The following CA10 variants were observed in gnomAD, a reference collection of about 807,000 sequenced individuals.
CA10 encodes carbonic anhydrase 10 (inactive).
CA10 carries 14 observed loss-of-function variants against 44.2 expected under a neutral mutation model. That is an observed-to-expected ratio of 0.32 (90% CI 0.21 to 0.50). The LOEUF (loss-of-function observed/expected upper bound fraction) is 0.50, where lower values mean the gene tolerates loss of function less well. CA10 is among the 20% of genes least tolerant of loss of function. The pLI, the probability that CA10 is intolerant of heterozygous loss-of-function variation, is 0.99. For synonymous variants in CA10, 159 were observed against 141.6 expected, an observed-to-expected ratio of 1.12 and a Z score of -0.87; for missense variants, 350 against 409.7, an observed-to-expected ratio of 0.85 and a Z score of 1.26.
chr17:52,091,611 G>A (rs1220004184), intron 1 of CA10, among the ~76,000 whole-genome samples: 1 of 152,172 alleles, frequency 6.6e-6, no homozygotes, highest in Non-Finnish European at 1.5e-5. Context: ...ACCACCCTAA[G>A]GGTGATTGAT....
chr17:51,677,661 G>A (rs1244902741), intron 4 of CA10, among the ~76,000 whole-genome samples: 2 of 152,104 alleles, frequency 1.3e-5, no homozygotes, highest in Non-Finnish European at 2.9e-5. Flanking sequence ...GAGACAGGGT[G>A]GAGTAGAGAG....
chr17:52,123,316 A>T (rs891905032), intron 1 of CA10, among the ~76,000 whole-genome samples: 18 of 150,770 alleles, frequency 1.2e-4, no homozygotes, highest in Non-Finnish European at 2.4e-4. Flanking sequence ...TAGTAACAGG[A>T]TTACATATAT....
intron 1 of CA10, among the ~76,000 whole-genome samples, chr17:52,096,163 T>C (rs1988395976): frequency 6.6e-6 from 1 of 152,076 alleles, no homozygotes; most frequent in African/African-American, 2.4e-5. Context: ...AATATAGGGG[T>C]ACATAGGCTG....
chr17:52,125,532 G>A (rs1428399795), intron 1 of CA10, among the ~76,000 whole-genome samples: 4 of 152,282 alleles, frequency 2.6e-5, no homozygotes, highest in Non-Finnish European at 2.9e-5. Context: ...CTCTAGAGGT[G>A]CCTTCCTGCC....
intron 2 of CA10, among the ~76,000 whole-genome samples, chr17:51,952,758 G>A (rs1170503853): frequency 6.6e-6 from 1 of 152,076 alleles, no homozygotes; most frequent in Non-Finnish European, 1.5e-5. Flanking sequence ...CATAGACTCA[G>A]AGCACGAGGC....
intron 1 of CA10, among the ~76,000 whole-genome samples, chr17:52,139,092 C>G (rs1437870632): frequency 6.6e-6 from 1 of 152,104 alleles, no homozygotes; most frequent in Non-Finnish European, 1.5e-5. Context: ...TTTATAATAC[C>G]CGGTGTAGGG....
chr17:51,943,451 C>G (rs1029529859), intron 2 of CA10, among the ~76,000 whole-genome samples: 8 of 152,176 alleles, frequency 5.3e-5, no homozygotes, highest in Non-Finnish European at 1.0e-4. Context: ...AAGAAAATCT[C>G]TTGTATTCAA....
intron 2 of CA10, among the ~76,000 whole-genome samples, chr17:51,954,737 C>A (rs1983604041): frequency 6.6e-6 from 1 of 152,200 alleles, no homozygotes; most frequent in African/African-American, 2.4e-5. Context: ...ACAGGAGAGA[C>A]TGCAAATGAG....
intron 2 of CA10, among the ~76,000 whole-genome samples, chr17:52,003,629 T>C (rs1985503593): frequency 6.6e-6 from 1 of 151,964 alleles, no homozygotes; most frequent in Non-Finnish European, 1.5e-5. Context: ...TTTTATTATT[T>C]ATCCAATGAT....
Position 52,040,136 on chromosome 17 carries a change from C to CT in CA10, c.136+32182dup, listed in dbSNP as rs1260910367. Reference sequence around the variant, plus strand: ...AAAATTAAGATCCCCTTTTTCCTTTCTTTTTTTTCTTTTTTTTTTTTTTGG... The same window carrying CT: ...AAAATTAAGATCCCCTTTTTCCTTTCTTTTTTTTTCTTTTTTTTTTTTTTGG... On this transcript the variant is annotated intron_variant, in intron 2 of 8. Coordinates refer to ENST00000451037, the MANE Select transcript of CA10 (RefSeq NM_020178.5). Among the ~76,000 whole-genome samples, 25 of 114,302 alleles carry CT rather than the reference C, an allele frequency of 2.2e-4. 1 individual carries two copies. The highest frequency in any genetic ancestry group is 9.7e-4 in the South Asian group (4 of 4,106). 75.0% of individuals were successfully genotyped at this position (114,302 alleles called of 152,430 possible).
intron 2 of CA10, among the ~76,000 whole-genome samples, chr17:51,978,408 G>A (rs1168118261): frequency 6.6e-6 from 1 of 151,644 alleles, no homozygotes. Context: ...GTGTGTGTGT[G>A]TGTGTCTGTG....
chr17:51,660,623 A>G (rs1414628271), intron 4 of CA10, among the ~76,000 whole-genome samples: 1 of 152,166 alleles, frequency 6.6e-6, no homozygotes, highest in Admixed American at 6.5e-5. Context: ...CAGACCTTAG[A>G]TCACCTTTCT....
At chr17:51,941,051 T>TG (rs1983059190) in intron 2 of CA10, among the ~76,000 whole-genome samples, 1 of 152,124 alleles carries the variant, frequency 6.6e-6, no homozygotes, top group Non-Finnish European at 1.5e-5. Flanking sequence ...TCCCCAAAGA[T>TG]GGGTACTAGT....
In CA10 at chr17:51,675,481, A is replaced by G. The variant is rs1317314023; in HGVS notation, c.466-21745T>C. On this transcript the variant is annotated intron_variant, in intron 4 of 8. Coordinates refer to ENST00000451037, the MANE Select transcript of CA10 (RefSeq NM_020178.5). ...GGAGAATGGCTTGAACCCAGGAGGC[A>G]GAGGTTGCAGTGAGCTGAGATTGCG... is the stretch of plus-strand genomic sequence containing the variant. Among the ~76,000 whole-genome samples, 3 of 151,298 alleles carry G rather than the reference A, an allele frequency of 2.0e-5. No individual in the cohort carries two copies. The South Asian group carries it at 6.3e-4, about 32-fold the overall frequency.
At chr17:52,035,040 G>T (rs1426073778) in intron 2 of CA10, among the ~76,000 whole-genome samples, 1 of 152,194 alleles carries the variant, frequency 6.6e-6, no homozygotes, top group Non-Finnish European at 1.5e-5. Context: ...AGGAGGCAGA[G>T]AAATTCTAGC....
chr17:51,760,245 T>A (rs1415746831), intron 3 of CA10, among the ~76,000 whole-genome samples: 1 of 152,184 alleles, frequency 6.6e-6, no homozygotes, highest in Non-Finnish European at 1.5e-5. Context: ...AAATAGCAAA[T>A]GTTTGGGGGA....
chr17:51,825,505 A>G (rs930135519), intron 3 of CA10, among the ~76,000 whole-genome samples: 3 of 152,212 alleles, frequency 2.0e-5, no homozygotes, highest in African/African-American at 7.2e-5. Flanking sequence ...CAGAGAGGTT[A>G]AGTAACTTGC....
At chr17:51,893,295 G>A (rs1980938957) in intron 3 of CA10, among the ~76,000 whole-genome samples, 1 of 152,132 alleles carries the variant, frequency 6.6e-6, no homozygotes, top group Non-Finnish European at 1.5e-5. Flanking sequence ...TAAGTCCGAA[G>A]CCAGGGTTAT....
Position 51,759,358 on chromosome 17 carries a change from CTGTGTGTG to C in CA10, c.280-11548_280-11541del, listed in dbSNP as rs5820879. On this transcript the variant is annotated intron_variant, in intron 3 of 8. Transcript: ENST00000451037. ...ATTGGGTTGAGTACACTTCTTTGCTCTGTGTGTGTGTGTGTGTGTGTGTGTGTGTGTGC... is the reference window on the plus strand; with the variant it reads ...ATTGGGTTGAGTACACTTCTTTGCTCTGTGTGTGTGTGTGTGTGTGTGTGC... Among the ~76,000 whole-genome samples the C allele has an allele frequency of 3.2e-4, 45 of 141,992 alleles. No homozygotes were observed. The South Asian group carries it at 5.5e-3, about 17-fold the overall frequency. The allele number at this position is 141,992 out of a possible 152,430, so 93.2% of individuals were successfully genotyped here.
Sources: allele counts gnomAD v4.1 joint callset (sites outside exome capture counted in the v4.1 genomes callset), GRCh38; gene constraint gnomAD v4.1.1; transcripts MANE v1.5; gene names NCBI Gene and HGNC (gene_info 2026-07-23, HGNC 2026-07-21).